The following ADAMTSL1 variants were observed in gnomAD, a reference collection of about 807,000 sequenced individuals.
ADAMTSL1 encodes ADAMTS-like protein 1.
Under a neutral mutation model 201.8 loss-of-function variants are expected in ADAMTSL1, and 126 were observed. That is an observed-to-expected ratio of 0.62 (90% confidence interval 0.54 to 0.72). ADAMTSL1 has a LOEUF of 0.72. Ranked by LOEUF, ADAMTSL1 falls within the 30% of genes least tolerant of loss-of-function variation. ADAMTSL1 has a pLI of 0.00. For missense variants in ADAMTSL1, 2,679 were observed against 2,277.8 expected (o/e 1.18, Z -3.59); for synonymous variants, 1,121 against 903.4 (o/e 1.24, Z -4.32).
chr9:17,995,981 A>C (rs909344517), intron 1 of ADAMTSL1, among the ~76,000 whole-genome samples: 2 of 151,958 alleles, frequency 1.3e-5, no homozygotes, highest in East Asian at 1.9e-4. Flanking sequence ...AACGTAATCT[A>C]AGCTCCTTAG....
intron 9 of ADAMTSL1, among the ~76,000 whole-genome samples, chr9:18,665,344 A>T (rs1325255990): frequency 6.6e-6 from 1 of 152,132 alleles, no homozygotes; most frequent in Non-Finnish European, 1.5e-5. Flanking sequence ...AACTAAAATC[A>T]TAAATATCAT....
chr9:18,865,548 G>A (rs1416255710), intron 23 of ADAMTSL1, among the ~76,000 whole-genome samples: 1 of 152,060 alleles, frequency 6.6e-6, no homozygotes, highest in African/African-American at 2.4e-5. Context: ...GTATAATTTG[G>A]TTTTCTTATT....
chr9:18,631,532 T>C (rs778226711), intron 5 of ADAMTSL1, among the ~76,000 whole-genome samples: 1 of 152,148 alleles, frequency 6.6e-6, no homozygotes, highest in African/African-American at 2.4e-5. Flanking sequence ...TCCATAGGCA[T>C]AGAGGGAAGA....
intron 2 of ADAMTSL1, among the ~76,000 whole-genome samples, chr9:18,238,198 CTA>C (rs1444810851): frequency 7.9e-5 from 12 of 152,036 alleles, no homozygotes; most frequent in Non-Finnish European, 4.4e-5. Context: ...AGTTTTAGGA[CTA>C]TGTGGAAATT....
chr9:18,385,441 T>A (rs1837753868), intron 2 of ADAMTSL1, among the ~76,000 whole-genome samples: 1 of 152,210 alleles, frequency 6.6e-6, no homozygotes, highest in Non-Finnish European at 1.5e-5. Flanking sequence ...TTCTAAAAGA[T>A]TTCTCTTACT....
intron 2 of ADAMTSL1, among the ~76,000 whole-genome samples, chr9:18,429,832 C>G (rs1043874233): frequency 5.9e-5 from 9 of 152,074 alleles, no homozygotes; most frequent in Non-Finnish European, 1.3e-4. Flanking sequence ...CTCTGTCTCT[C>G]AGGCTGGAGT....
chr9:18,241,486 T>C (rs1390470896), intron 2 of ADAMTSL1, among the ~76,000 whole-genome samples: 2 of 152,150 alleles, frequency 1.3e-5, no homozygotes, highest in Non-Finnish European at 2.9e-5. Context: ...CCTTTCAGGC[T>C]ATTAATATTC....
chr9:18,612,398 G>C (rs1682862608), intron 4 of ADAMTSL1, among the ~76,000 whole-genome samples: 1 of 152,156 alleles, frequency 6.6e-6, no homozygotes, highest in South Asian at 2.1e-4. Context: ...ATATATCCCT[G>C]TCACTTGTGG....
chr9:18,596,211 GA>G (rs1225785124), intron 4 of ADAMTSL1, among the ~76,000 whole-genome samples: 5 of 152,144 alleles, frequency 3.3e-5, no homozygotes, highest in African/African-American at 1.2e-4. Context: ...GTTCAATGGG[GA>G]CATGAACGTA....
At chr9:18,278,799 T>G (rs1205409290) in intron 2 of ADAMTSL1, among the ~76,000 whole-genome samples, 1 of 152,198 alleles carries the variant, frequency 6.6e-6, no homozygotes, top group East Asian at 1.9e-4. Context: ...AAATTTTGAC[T>G]TGCTTAGTGG....
At chr9:18,304,762 T>C (rs1322315796) in intron 2 of ADAMTSL1, among the ~76,000 whole-genome samples, 1 of 152,204 alleles carries the variant, frequency 6.6e-6, no homozygotes, top group Non-Finnish European at 1.5e-5. Flanking sequence ...AGTTGAGGCA[T>C]ATTCCATAAC....
chr9:18,598,523 A>G (rs1337760016), intron 4 of ADAMTSL1, among the ~76,000 whole-genome samples: 3 of 152,096 alleles, frequency 2.0e-5, no homozygotes, highest in Non-Finnish European at 4.4e-5. Flanking sequence ...CACCATTACT[A>G]AGTGCACTTC....
At chr9:18,250,202 T>G (rs2132486570) in intron 2 of ADAMTSL1, among the ~76,000 whole-genome samples, 1 of 152,318 alleles carries the variant, frequency 6.6e-6, no homozygotes, top group Admixed American at 6.5e-5. Context: ...ATTCTATACA[T>G]TTTTTCAATG....
chr9:18,359,499 A>T (rs992069214), intron 2 of ADAMTSL1, among the ~76,000 whole-genome samples: 7 of 152,154 alleles, frequency 4.6e-5, no homozygotes, highest in Non-Finnish European at 8.8e-5. Context: ...GATGGTTACT[A>T]ATGGTGGTTT....
intron 2 of ADAMTSL1, among the ~76,000 whole-genome samples, chr9:18,355,137 C>T (rs1332736302): frequency 6.6e-6 from 1 of 152,118 alleles, no homozygotes; most frequent in East Asian, 1.9e-4. Flanking sequence ...CTGAGGAGGT[C>T]CCTGAATCCT....
intron 2 of ADAMTSL1, among the ~76,000 whole-genome samples, chr9:18,314,086 A>C (rs1256789439): frequency 6.6e-6 from 1 of 152,184 alleles, no homozygotes; most frequent in Non-Finnish European, 1.5e-5. Flanking sequence ...GAAGATGCTC[A>C]ATGTCTATAA....
At chr9:18,576,773 G>A (rs1587616691) in intron 4 of ADAMTSL1, among the ~76,000 whole-genome samples, 4 of 152,246 alleles carry the variant, frequency 2.6e-5, no homozygotes, top group African/African-American at 2.4e-5. Flanking sequence ...CGAGGTAGTA[G>A]TAGTAATGAT....
intron 1 of ADAMTSL1, among the ~76,000 whole-genome samples, chr9:18,060,088 C>G (rs60685907): frequency 0.14 from 20,733 of 152,156 alleles, 1,920 homozygotes; most frequent in East Asian, 0.3. Context: ...TGTGACTTAC[C>G]TATCCTTCCA....
chr9:18,346,518 T>C (rs1402760040), intron 2 of ADAMTSL1, among the ~76,000 whole-genome samples: 6 of 152,016 alleles, frequency 3.9e-5, no homozygotes, highest in Non-Finnish European at 8.8e-5. Flanking sequence ...ATCCAGGAGG[T>C]TGAACATCCA....
Sources: allele counts gnomAD v4.1 joint callset (sites outside exome capture counted in the v4.1 genomes callset), GRCh38; gene constraint gnomAD v4.1.1; transcripts MANE v1.5; gene names NCBI Gene and HGNC (gene_info 2026-07-23, HGNC 2026-07-21).